PHACTR1: variants seen among roughly 807,000 people sequenced by gnomAD.
PHACTR1 encodes the protein RPEL repeat containing 1.
Under a neutral mutation model 69.2 loss-of-function variants are expected in PHACTR1, and 16 were observed. That is an observed-to-expected ratio of 0.23 (90% CI 0.16 to 0.35). PHACTR1 has a LOEUF of 0.35. Ranked by LOEUF, PHACTR1 falls within the 10% of genes least tolerant of loss-of-function variation. PHACTR1 has a pLI of 1.00. For synonymous variants in PHACTR1, 312 were observed against 284.5 expected, an observed-to-expected ratio of 1.10 and a Z score of -0.97; for missense variants, 510 against 734.7, an observed-to-expected ratio of 0.69 and a Z score of 3.54.
At chr6:13,113,835 C>A (rs1817410062) in intron 5 of PHACTR1, among the ~76,000 whole-genome samples, 1 of 151,968 alleles carries the variant, frequency 6.6e-6, no homozygotes, top group Non-Finnish European at 1.5e-5. Context: ...ATTTGCAGGC[C>A]CTATGATAGT....
At chr6:12,998,170 T>C (rs1046484672) in intron 4 of PHACTR1, among the ~76,000 whole-genome samples, 2 of 152,104 alleles carry the variant, frequency 1.3e-5, no homozygotes, top group Non-Finnish European at 2.9e-5. Context: ...CTCCATATTG[T>C]AAAAAATAAA....
chr6:12,741,787 C>T (rs1017150773), intron 3 of PHACTR1, among the ~76,000 whole-genome samples: 15 of 147,942 alleles, frequency 1.0e-4, no homozygotes, highest in African/African-American at 3.2e-4. Context: ...AAAAAAATCA[C>T]ACACTGAGAT....
rs190422669 is a variant in PHACTR1, at chr6:13,048,719, A to G, written c.251-4646A>G. On this transcript the variant is annotated intron_variant, in intron 4 of 14. Coordinates refer to ENST00000332995, the MANE Select transcript of PHACTR1 (RefSeq NM_030948.6). Reference sequence around the variant, plus strand: ...GCTTATTTTTCTGTTTTTAGTAGAGACAGGGTTTCACCATGTTGGCCAGGC... The same window carrying G: ...GCTTATTTTTCTGTTTTTAGTAGAGGCAGGGTTTCACCATGTTGGCCAGGC... Among the ~76,000 whole-genome samples the G allele has an allele frequency of 4.6e-5, 7 of 152,286 alleles. No homozygotes were observed. The East Asian group carries it at 1.3e-3, about 29-fold the overall frequency.
At chr6:13,031,179 G>A (rs950811540) in intron 4 of PHACTR1, among the ~76,000 whole-genome samples, 10 of 152,196 alleles carry the variant, frequency 6.6e-5, no homozygotes, top group African/African-American at 1.9e-4. Context: ...TGGAATATAT[G>A]CCTGATTTCT....
intron 4 of PHACTR1, among the ~76,000 whole-genome samples, chr6:12,924,492 A>ATGCC (rs1788047965): frequency 6.6e-6 from 1 of 152,160 alleles, no homozygotes; most frequent in Non-Finnish European, 1.5e-5. Context: ...TTTAAACTAT[A>ATGCC]TGCCGGGCAC....
At chr6:12,962,307 A>C (rs1792854838) in intron 4 of PHACTR1, among the ~76,000 whole-genome samples, 1 of 152,048 alleles carries the variant, frequency 6.6e-6, no homozygotes, top group Admixed American at 6.5e-5. Flanking sequence ...CATCTCTTTC[A>C]AGGCCCTTTC....
At position 13,190,198 on chromosome 6, in the gene PHACTR1, A is replaced by ATTTTTT. The variant is rs1215055032; in HGVS notation, c.664+7523_664+7528dup. On this transcript the variant is annotated intron_variant, in intron 7 of 14. Transcript: ENST00000332995. ...GCCACTATGCTCAGCTAATTTTTGT[A>ATTTTTT]TTTTTTTTTTTTTTTTAGTAGAGGT... Among the ~76,000 whole-genome samples, 249 of 87,246 alleles carry ATTTTTT rather than the reference A, an allele frequency of 2.9e-3. 15 individuals carry two copies. Among genetic ancestry groups the ATTTTTT allele is most frequent in the African/African-American group, 0.011 (240 of 21,076 alleles). The allele number at this position is 87,246 out of a possible 152,430, so 57.2% of individuals were successfully genotyped here. A position where few individuals can be genotyped will look rare whatever the true frequency, so the allele number is the denominator to read the frequency against.
At chr6:13,180,935 T>C (rs1163031995) in intron 6 of PHACTR1, among the ~76,000 whole-genome samples, 1 of 152,168 alleles carries the variant, frequency 6.6e-6, no homozygotes, top group East Asian at 1.9e-4. Flanking sequence ...ATCATATTAT[T>C]GATCCCAATT....
At chr6:12,994,770 C>T (rs568286203) in intron 4 of PHACTR1, among the ~76,000 whole-genome samples, 16 of 151,926 alleles carry the variant, frequency 1.1e-4, no homozygotes, top group Non-Finnish European at 1.9e-4. Flanking sequence ...AAATACCATA[C>T]GGAATAGCTC....
chr6:12,963,020 AT>A (rs1325435973), intron 4 of PHACTR1, among the ~76,000 whole-genome samples: 1 of 152,154 alleles, frequency 6.6e-6, no homozygotes, highest in Non-Finnish European at 1.5e-5. Flanking sequence ...TGATTTATAT[AT>A]TTTTGAAACA....
intron 4 of PHACTR1, among the ~76,000 whole-genome samples, chr6:12,852,999 T>C (rs911962581): frequency 1.3e-5 from 2 of 152,208 alleles, no homozygotes; most frequent in African/African-American, 4.8e-5. Context: ...ACCTAAGTCC[T>C]AAAATCTCTA....
At chr6:12,820,042 TA>T (rs1246471159) in intron 4 of PHACTR1, among the ~76,000 whole-genome samples, 9 of 152,314 alleles carry the variant, frequency 5.9e-5, no homozygotes, top group African/African-American at 2.2e-4. Context: ...GGAGAGAAAG[TA>T]AAAACTGAGA....
At chr6:12,959,371 A>C (rs1293632955) in intron 4 of PHACTR1, among the ~76,000 whole-genome samples, 4 of 152,122 alleles carry the variant, frequency 2.6e-5, no homozygotes, top group Non-Finnish European at 5.9e-5. Flanking sequence ...ATGAATTTTT[A>C]GTCTTTTCTC....
intron 4 of PHACTR1, among the ~76,000 whole-genome samples, chr6:12,939,982 G>C (rs1789896695): frequency 6.6e-6 from 1 of 152,190 alleles, no homozygotes; most frequent in Non-Finnish European, 1.5e-5. Flanking sequence ...GTAACACCTT[G>C]CCAGCTAGGT....
chr6:13,035,740 A>G (rs960383717), intron 4 of PHACTR1, among the ~76,000 whole-genome samples: 3 of 152,118 alleles, frequency 2.0e-5, no homozygotes, highest in African/African-American at 7.2e-5. Context: ...AGGTCATGGG[A>G]CTCATGACTC....
chr6:13,168,158 A>G (rs886354338), intron 6 of PHACTR1, among the ~76,000 whole-genome samples: 14 of 152,232 alleles, frequency 9.2e-5, no homozygotes, highest in Admixed American at 8.5e-4. Flanking sequence ...CCATGTGAAA[A>G]TGAAAAGAGT....
intron 14 of PHACTR1, 75 bp downstream of exon 14, chr6:13,286,297 C>A: frequency 7.9e-7 from 1 of 1,270,980 alleles, no homozygotes; most frequent in Non-Finnish European, 1.1e-6. Flanking sequence ...AGCTCTCCCA[C>A]TTGTGGGACA....
At chr6:13,162,981 C>T (rs1357122537) in intron 6 of PHACTR1, among the ~76,000 whole-genome samples, 3 of 152,214 alleles carry the variant, frequency 2.0e-5, no homozygotes, top group Admixed American at 6.5e-5. Flanking sequence ...CTCGGTGTCT[C>T]ACGCCTGTAA....
intron 10 of PHACTR1, among the ~76,000 whole-genome samples, chr6:13,263,245 T>G (rs867428948): frequency 4.0e-4 from 39 of 98,416 alleles, no homozygotes; most frequent in Middle Eastern, 4.6e-3. Flanking sequence ...AGTGTTTTTT[T>G]TTTTTTTTTT....
Sources: allele counts gnomAD v4.1 joint callset (sites outside exome capture counted in the v4.1 genomes callset), GRCh38; gene constraint gnomAD v4.1.1; transcripts MANE v1.5; gene names NCBI Gene and HGNC (gene_info 2026-07-23, HGNC 2026-07-21).